USP42: variants seen among roughly 807,000 people sequenced by gnomAD.
USP42 encodes the protein ubiquitin specific peptidase 42.
In USP42, 23 loss-of-function variants were observed where a neutral mutation model predicts 113.0. That is an observed-to-expected ratio of 0.20 (90% CI 0.15 to 0.29). The LOEUF (loss-of-function observed/expected upper bound fraction) is 0.29, where lower values mean the gene tolerates loss of function less well. Ranked by LOEUF, USP42 falls within the 10% of genes least tolerant of loss-of-function variation. USP42 has a pLI of 1.00. For synonymous variants in USP42, 933 were observed against 699.0 expected, an observed-to-expected ratio of 1.33 and a Z score of -5.28; for missense variants, 2,174 against 1,779.8, an observed-to-expected ratio of 1.22 and a Z score of -3.99.
At position 6,154,799 on chromosome 7, in the gene USP42, A is replaced by G; in HGVS notation, c.3245A>G (p.Glu1082Gly). The G allele has an allele frequency of 6.5e-7, 1 of 1,546,902 alleles. No homozygotes were observed. Among genetic ancestry groups the G allele is most frequent in the African/African-American group, 1.4e-5 (1 of 72,942 alleles). ...TGGAAGCCCTTCCACGGCGGCCGCG[A>G]GCACGAGCGGGCCGGGCTGCACGAG... ...RDWKPFHGGR[E>G]HERAGLHERP... is the part of the protein sequence containing the mutation. Residue 1082 changes from glutamate (E) to glycine (G), a missense_variant, in exon 15 of 18, where the codon GAG (glutamate) becomes GGG (glycine). Glu to Gly is a moderately conservative substitution (Grantham distance 98). Coordinates refer to ENST00000306177, the MANE Select transcript of USP42 (RefSeq NM_032172.3).
rs71008362 is a variant in USP42, at chr7:6,114,656, G to GTATATATATATATATA, written c.242-659_242-644dup. 7.1e-4 allele frequency among the ~76,000 whole-genome samples: 43 copies of GTATATATATATATATA among 60,572 alleles called. 1 individual carries two copies. Among genetic ancestry groups the GTATATATATATATATA allele is most frequent in the Middle Eastern group, 0.015 (1 of 68 alleles). 39.7% of individuals were successfully genotyped at this position (60,572 alleles called of 152,430 possible). A position where few individuals can be genotyped will look rare whatever the true frequency, so the allele number is the denominator to read the frequency against. ...TGTGTGTATATATGTATGTGTGTGTGTATATATATATATATATATATATTT... is the reference window on the plus strand; with the variant it reads ...TGTGTGTATATATGTATGTGTGTGTGTATATATATATATATATATATATATATATATATATATATTT... On this transcript the variant is annotated intron_variant, in intron 2 of 17. Transcript: ENST00000306177.
In USP42 at chr7:6,155,156, A is replaced by G; in HGVS notation, c.3602A>G (p.Lys1201Arg). Residue 1201 changes from lysine (K) to arginine (R), a missense_variant, in exon 15 of 18, where the codon AAA (lysine) becomes AGA (arginine). Lys to Arg is a conservative substitution (Grantham distance 26, BLOSUM62 2). Coordinates refer to ENST00000306177, the MANE Select transcript of USP42 (RefSeq NM_032172.3). Reference sequence around the variant, plus strand: ...AAGAAGCACAAAAAATCAAAGAAGAAAAAGAAATCCAAAGACAAACACCGA... The same window carrying G: ...AAGAAGCACAAAAAATCAAAGAAGAGAAAGAAATCCAAAGACAAACACCGA... ...KAKKHKKSKK[K>R]KKSKDKHRDR... 6.5e-7 allele frequency: 1 copy of G among 1,545,526 alleles called. No homozygotes were observed. Among genetic ancestry groups the G allele is most frequent in the Non-Finnish European group, 8.7e-7 (1 of 1,146,866 alleles).
At chr7:6,160,435 T>A (rs1782708410) in intron 17 of USP42, 120 bp from the exon 18 acceptor site, 1 of 137,744 alleles carries the variant, frequency 7.3e-6, no homozygotes, top group Admixed American at 7.1e-5. Context: ...GAAGGCAGAG[T>A]GATCTCCTCA....
At chr7:6,108,646 A>G (rs1231627781) in intron 1 of USP42, among the ~76,000 whole-genome samples, 1 of 151,940 alleles carries the variant, frequency 6.6e-6, no homozygotes, top group Non-Finnish European at 1.5e-5. Flanking sequence ...ATGCCCAGCT[A>G]ATTTTTGTAT....
At chr7:6,104,320 G>C (rs1779123202), upstream of USP42, among the ~76,000 whole-genome samples, 2 of 151,866 alleles carry the variant, frequency 1.3e-5, no homozygotes, top group Non-Finnish European at 2.9e-5. Flanking sequence ...CTGACCTCGT[G>C]ATCCGCCCGC....
intron 1 of USP42, among the ~76,000 whole-genome samples, 176 bp downstream of exon 1, chr7:6,105,208 G>A (rs1453712605): frequency 2.8e-5 from 4 of 144,660 alleles, no homozygotes; most frequent in African/African-American, 9.9e-5. Context: ...GGACCCCGCC[G>A]CTCTGGGGGC....
chr7:6,150,595 A>G lies in USP42; in HGVS notation c.2201+89A>G, dbSNP rs1781988664. The G allele has an allele frequency of 5.5e-6, 6 of 1,081,286 alleles. No homozygotes were observed. In the East Asian group the frequency reaches 1.4e-4, roughly 26 times the overall value. 67.0% of individuals were successfully genotyped at this position (1,081,286 alleles called of 1,614,324 possible). On this transcript the variant is annotated intron_variant, in intron 14 of 17. Transcript: ENST00000306177. ...TGTGTCAGTATTTGAATGCTGTAGA[A>G]ATTTTATAATGAACATTTTGAATCC...
intron 3 of USP42, among the ~76,000 whole-genome samples, chr7:6,135,247 T>C (rs1044570292): frequency 4.6e-5 from 7 of 152,200 alleles, no homozygotes; most frequent in African/African-American, 1.7e-4. Context: ...CAATTATGTG[T>C]CTGTCCCATA....
Position 6,160,719 on chromosome 7 carries a change from G to T in USP42, c.*201G>T, listed in dbSNP as rs113567702. On this transcript the variant is annotated 3_prime_UTR_variant, in exon 18 of 18. Transcript: ENST00000306177. ...ACCTTTTCTTAATTACCCTTATTCC[G>T]AATGGACGAACACTTTCTACCACTG... is the stretch of plus-strand genomic sequence containing the variant. 6.6e-6 allele frequency: 1 copy of T among 152,344 alleles called. No homozygotes were observed. The highest frequency in any genetic ancestry group is 1.5e-5 in the Non-Finnish European group (1 of 68,006). 9.4% of individuals were successfully genotyped at this position (152,344 alleles called of 1,614,324 possible).
the USP42 span, among the ~76,000 whole-genome samples, chr7:6,097,856 C>T: frequency 3.4e-5 from 5 of 148,686 alleles, no homozygotes; most frequent in African/African-American, 1.0e-4. Context: ...TCCCAAAGTG[C>T]TGGGACTACA....
chr7:6,083,919 C>A, the USP42 span, among the ~76,000 whole-genome samples: 1 of 151,284 alleles, frequency 6.6e-6, no homozygotes, highest in Non-Finnish European at 1.5e-5. Flanking sequence ...ACCTAGTTAA[C>A]CTCCTGCCCC....
chr7:6,112,106 G>GT (rs1562801973), intron 2 of USP42, among the ~76,000 whole-genome samples: 3 of 151,582 alleles, frequency 2.0e-5, no homozygotes, highest in East Asian at 1.9e-4. Flanking sequence ...TTTTGTTTTT[G>GT]TTTTTTTCCT....
At position 6,147,912 on chromosome 7, in the gene USP42, A is replaced by G; in HGVS notation, c.1386+20A>G. The G allele has an allele frequency of 6.4e-7, 1 of 1,567,098 alleles. No homozygotes were observed. Among genetic ancestry groups the G allele is most frequent in the Non-Finnish European group, 8.7e-7 (1 of 1,151,298 alleles). On this transcript the variant is annotated intron_variant, in intron 12 of 17. Transcript: ENST00000306177. ...ATAAAGGTAACAGTCCTTAGGGAGAAGAACATTTTTATGTTAATTTTTAAA... is the reference window on the plus strand; with the variant it reads ...ATAAAGGTAACAGTCCTTAGGGAGAGGAACATTTTTATGTTAATTTTTAAA...
chr7:6,141,620 G>A (rs1273033056), intron 7 of USP42, among the ~76,000 whole-genome samples: 2 of 151,306 alleles, frequency 1.3e-5, no homozygotes, highest in East Asian at 3.9e-4. Context: ...GTGCAGTGGC[G>A]CAATATCAGC....
chr7:6,141,603 G>C (rs576891971), intron 7 of USP42, among the ~76,000 whole-genome samples: 27 of 151,224 alleles, frequency 1.8e-4, no homozygotes, highest in Admixed American at 1.5e-3. Context: ...CCATTGCCCA[G>C]GCTGGAGTGC....
chr7:6,104,463 C>G (rs1221983296), upstream of USP42, among the ~76,000 whole-genome samples: 1 of 152,256 alleles, frequency 6.6e-6, no homozygotes, highest in Non-Finnish European at 1.5e-5. Context: ...GAGGGCGAAG[C>G]CCACGAAGCG....
At chr7:6,085,740 G>A in the USP42 span, among the ~76,000 whole-genome samples, 1 of 150,346 alleles carries the variant, frequency 6.7e-6, no homozygotes, top group Non-Finnish European at 1.5e-5. Context: ...TCAGCTTCCT[G>A]AGTATCTGGC....
At chr7:6,152,773 A>C (rs1782148663) in intron 14 of USP42, among the ~76,000 whole-genome samples, 1 of 152,204 alleles carries the variant, frequency 6.6e-6, no homozygotes, top group Non-Finnish European at 1.5e-5. Context: ...TCAAAGGACA[A>C]AGTTAATTTA....
intron 2 of USP42, 136 bp downstream of exon 2, chr7:6,111,510 T>A: frequency 9.7e-7 from 1 of 1,029,730 alleles, no homozygotes; most frequent in Non-Finnish European, 1.4e-6. Flanking sequence ...TATTACTTGA[T>A]GGGCTTTGTT....
Sources: allele counts gnomAD v4.1 joint callset (sites outside exome capture counted in the v4.1 genomes callset), GRCh38; gene constraint gnomAD v4.1.1; transcripts MANE v1.5; gene names NCBI Gene and HGNC (gene_info 2026-07-23, HGNC 2026-07-21).